Variants in CADM1 observed in about 807,000 individuals in gnomAD.
CADM1 encodes TSLC-1.
CADM1 carries 15 observed loss-of-function variants against 53.1 expected under a neutral mutation model. That is an observed-to-expected ratio of 0.28 (90% CI 0.19 to 0.44). The LOEUF (loss-of-function observed/expected upper bound fraction) is 0.44, where lower values mean the gene tolerates loss of function less well. Among genes scored for constraint, CADM1 ranks in the 20% least tolerant of loss-of-function variants. The pLI, the probability that CADM1 is intolerant of heterozygous loss-of-function variation, is 1.00. For missense variants in CADM1, 434 were observed against 611.3 expected (o/e 0.71, Z 3.06); for synonymous variants, 281 against 243.0 (o/e 1.16, Z -1.45).
chr11:115,252,835 T>C (rs1036746137), intron 1 of CADM1, among the ~76,000 whole-genome samples: 1 of 152,202 alleles, frequency 6.6e-6, no homozygotes, highest in South Asian at 2.1e-4. Context: ...TAAACCTCTC[T>C]TTAAACACTG....
At chr11:115,379,341 C>T (rs899954224) in intron 1 of CADM1, among the ~76,000 whole-genome samples, 2 of 152,278 alleles carry the variant, frequency 1.3e-5, no homozygotes, top group African/African-American at 4.8e-5. Flanking sequence ...AAAATATCCA[C>T]AATACTGACA....
At chr11:115,484,779 CT>C (rs1949335492) in intron 1 of CADM1, among the ~76,000 whole-genome samples, 1 of 151,880 alleles carries the variant, frequency 6.6e-6, no homozygotes, top group Non-Finnish European at 1.5e-5. Flanking sequence ...AACCCCATCT[CT>C]ACTAAAAATA....
At chr11:115,283,588 A>G (rs964811674) in intron 1 of CADM1, among the ~76,000 whole-genome samples, 1 of 152,238 alleles carries the variant, frequency 6.6e-6, no homozygotes, top group Admixed American at 6.5e-5. Flanking sequence ...TTAAAAAGGC[A>G]GCATAAAAAT....
chr11:115,234,613 A>C (rs1941944983), intron 3 of CADM1, among the ~76,000 whole-genome samples: 1 of 152,062 alleles, frequency 6.6e-6, no homozygotes, highest in Non-Finnish European at 1.5e-5. Flanking sequence ...AAATGTGCCC[A>C]GGTTTGAAGT....
chr11:115,367,418 G>C (rs905701800), intron 1 of CADM1, among the ~76,000 whole-genome samples: 1 of 152,132 alleles, frequency 6.6e-6, no homozygotes, highest in South Asian at 2.1e-4. Flanking sequence ...AACCTACAAA[G>C]GATGAACCTA....
chr11:115,372,325 A>G (rs1467497344), intron 1 of CADM1, among the ~76,000 whole-genome samples: 1 of 152,188 alleles, frequency 6.6e-6, no homozygotes, highest in African/African-American at 2.4e-5. Flanking sequence ...ACCTTTCCTA[A>G]AATTATTTTT....
intron 1 of CADM1, among the ~76,000 whole-genome samples, chr11:115,266,029 T>C (rs1943124386): frequency 6.6e-6 from 1 of 152,136 alleles, no homozygotes; most frequent in Admixed American, 6.5e-5. Context: ...GGCCCAACAA[T>C]GTCTTAATAA....
chr11:115,346,305 A>C (rs139823247), intron 1 of CADM1, among the ~76,000 whole-genome samples: 246 of 152,350 alleles, frequency 1.6e-3, no homozygotes, highest in African/African-American at 5.5e-3. Flanking sequence ...AATAAGCAAA[A>C]CAGAATTGGA....
chr11:115,390,473 GAGA>G (rs888306058), intron 1 of CADM1, among the ~76,000 whole-genome samples: 1 of 151,882 alleles, frequency 6.6e-6, no homozygotes, highest in African/African-American at 2.4e-5. Context: ...GACAGAGGGA[GAGA>G]AGGAGAAAAG....
chr11:115,380,290 C>G (rs936718159), intron 1 of CADM1, among the ~76,000 whole-genome samples: 3 of 152,202 alleles, frequency 2.0e-5, no homozygotes, highest in African/African-American at 7.2e-5. Context: ...TGCACTTACA[C>G]TAGCTCTGAT....
intron 1 of CADM1, among the ~76,000 whole-genome samples, chr11:115,352,570 G>A (rs1945765313): frequency 6.6e-6 from 1 of 152,154 alleles, no homozygotes; most frequent in Admixed American, 6.5e-5. Flanking sequence ...TACAGGATGA[G>A]CAAAGTAAAT....
At chr11:115,382,317 G>C (rs540917569) in intron 1 of CADM1, among the ~76,000 whole-genome samples, 19 of 152,048 alleles carry the variant, frequency 1.2e-4, no homozygotes, top group Admixed American at 1.1e-3. Context: ...TCCGGGGTAA[G>C]TCACACAAGA....
intron 1 of CADM1, among the ~76,000 whole-genome samples, chr11:115,481,928 C>A (rs917722872): frequency 3.3e-5 from 5 of 152,156 alleles, no homozygotes; most frequent in Non-Finnish European, 7.3e-5. Flanking sequence ...CTCCCGCTCC[C>A]CTCATTGACA....
rs182526019 is a variant in CADM1, at chr11:115,396,189, A to G, written c.124+108082T>C. Among the ~76,000 whole-genome samples, 194 of 152,312 alleles carry G rather than the reference A, an allele frequency of 1.3e-3. 1 individual carries two copies. Among genetic ancestry groups the G allele is most frequent in the Middle Eastern group, 3.4e-3 (1 of 294 alleles). On this transcript the variant is annotated intron_variant, in intron 1 of 11. Transcript: ENST00000331581. ...CCTCTCAGTTTGGCAGGGCCTCCAC[A>G]TATGTCTGTGAATAATAAAGATGTG...
chr11:115,443,134 G>A (rs1487214845), intron 1 of CADM1, among the ~76,000 whole-genome samples: 2 of 152,036 alleles, frequency 1.3e-5, no homozygotes, highest in Non-Finnish European at 2.9e-5. Flanking sequence ...TCTTGGGCTG[G>A]GAGCCAAAGG....
intron 1 of CADM1, among the ~76,000 whole-genome samples, chr11:115,326,365 ATGTATG>A (rs1378838614): frequency 6.6e-6 from 1 of 152,176 alleles, no homozygotes; most frequent in Non-Finnish European, 1.5e-5. Flanking sequence ...TGAAGCATGT[ATGTATG>A]TGTATGTGTG....
intron 1 of CADM1, among the ~76,000 whole-genome samples, chr11:115,468,966 G>A (rs1193469576): frequency 6.6e-6 from 1 of 152,070 alleles, no homozygotes; most frequent in Non-Finnish European, 1.5e-5. Context: ...CAGATGTCAT[G>A]AGATTTATTC....
At chr11:115,443,447 G>T (rs1452192345) in intron 1 of CADM1, among the ~76,000 whole-genome samples, 2 of 152,138 alleles carry the variant, frequency 1.3e-5, no homozygotes, top group Admixed American at 1.3e-4. Context: ...AGAAGTCAAT[G>T]GTTCCAATCA....
At chr11:115,400,699 A>ATG (rs1947131242) in intron 1 of CADM1, among the ~76,000 whole-genome samples, 1 of 113,290 alleles carries the variant, frequency 8.8e-6, no homozygotes, top group Non-Finnish European at 1.8e-5. Flanking sequence ...ATATATATAT[A>ATG]TATATATGCT....
Sources: gnomAD v4.1 joint callset for allele counts (sites outside exome capture counted in the v4.1 genomes callset) on GRCh38, gnomAD v4.1.1 for gene constraint, MANE v1.5 for transcripts, NCBI Gene and HGNC (gene_info 2026-07-23, HGNC 2026-07-21) for gene names.